The following SMIM14 variants were observed in gnomAD, a reference collection of about 807,000 sequenced individuals.
SMIM14 encodes chromosome 4 open reading frame 34.
Under a neutral mutation model 12.6 loss-of-function variants are expected in SMIM14, and 5 were observed. That is an observed-to-expected ratio of 0.40 (90% CI 0.21 to 0.83). The LOEUF (loss-of-function observed/expected upper bound fraction) is 0.83, where lower values mean the gene tolerates loss of function less well. SMIM14 is among the 40% of genes least tolerant of loss of function. The probability of loss-of-function intolerance (pLI) is 0.37; values close to 1 mark genes in which losing one functional copy is unlikely to be tolerated. For missense variants in SMIM14, 86 were observed against 119.1 expected, an observed-to-expected ratio of 0.72 and a Z score of 1.29; for synonymous variants, 30 against 40.1, an observed-to-expected ratio of 0.75 and a Z score of 0.95.
At chr4:39,570,608 A>G (rs1334157386) in intron 3 of SMIM14, among the ~76,000 whole-genome samples, 1 of 152,154 alleles carries the variant, frequency 6.6e-6, no homozygotes, top group Non-Finnish European at 1.5e-5. Flanking sequence ...GGTTCTAGTA[A>G]AAGGAAATCA....
chr4:39,623,430 A>G (rs1165720965), intron 1 of SMIM14, among the ~76,000 whole-genome samples: 2 of 152,248 alleles, frequency 1.3e-5, no homozygotes, highest in African/African-American at 4.8e-5. Context: ...AGGCAGGGAT[A>G]ACATTGGCTA....
intron 2 of SMIM14, among the ~76,000 whole-genome samples, chr4:39,572,716 G>C (rs1712965975): frequency 6.6e-6 from 1 of 152,018 alleles, no homozygotes. Flanking sequence ...CAGCTATTAG[G>C]GAGGCTGAGG....
chr4:39,637,570 G>A (rs1408895719), intron 1 of SMIM14, among the ~76,000 whole-genome samples: 2 of 151,812 alleles, frequency 1.3e-5, no homozygotes, highest in Non-Finnish European at 2.9e-5. Context: ...GTTCTCGGGG[G>A]TGAAGCGGTG....
rs1312981234 is a variant in SMIM14, at chr4:39,577,522, G to A, written c.76-5059C>T. Among the ~76,000 whole-genome samples the A allele has an allele frequency of 3.3e-5, 5 of 151,318 alleles. No individual in the cohort carries two copies. The East Asian group carries it at 7.8e-4, about 24-fold the overall frequency. ...GGCTCACTGCAACCTCCACCTCCTGGATTCAAGTGATTCTCCTGCCTCAGC... is the reference window on the plus strand; with the variant it reads ...GGCTCACTGCAACCTCCACCTCCTGAATTCAAGTGATTCTCCTGCCTCAGC... On this transcript the variant is annotated intron_variant, in intron 2 of 4. Transcript: ENST00000295958.
chr4:39,560,489 TA>T (rs1297558451), intron 3 of SMIM14, among the ~76,000 whole-genome samples: 5 of 151,928 alleles, frequency 3.3e-5, no homozygotes, highest in African/African-American at 1.2e-4. Context: ...CAATAGTTCT[TA>T]AACTATGGTA....
At chr4:39,604,013 A>C (rs1432111670) in intron 2 of SMIM14, among the ~76,000 whole-genome samples, 1 of 137,066 alleles carries the variant, frequency 7.3e-6, no homozygotes, top group Non-Finnish European at 1.7e-5. Flanking sequence ...ACTGTCTCAA[A>C]AAAAAAAAAA....
chr4:39,636,034 G>A (rs1437744538), intron 1 of SMIM14, among the ~76,000 whole-genome samples: 2 of 151,982 alleles, frequency 1.3e-5, no homozygotes, highest in Non-Finnish European at 2.9e-5. Context: ...TTAGTCGGGC[G>A]TGATGGTGTG....
intron 2 of SMIM14, among the ~76,000 whole-genome samples, chr4:39,604,575 G>A (rs573588580): frequency 2.7e-4 from 41 of 151,684 alleles, no homozygotes; most frequent in Non-Finnish European, 4.1e-4. Context: ...TAATAAAGAC[G>A]GTAGTCTGTT....
At chr4:39,610,954 C>G (rs1715009513) in intron 1 of SMIM14, among the ~76,000 whole-genome samples, 1 of 151,964 alleles carries the variant, frequency 6.6e-6, no homozygotes, top group Non-Finnish European at 1.5e-5. Flanking sequence ...ATAATTTTAA[C>G]AACCAAAACC....
intron 3 of SMIM14, 31 bp from the exon 4 acceptor site, chr4:39,556,601 A>C: frequency 1.9e-6 from 3 of 1,551,338 alleles, no homozygotes; most frequent in Non-Finnish European, 2.6e-6. Context: ...TAGCATGCTC[A>C]CAATATTGTT....
At chr4:39,565,465 A>T (rs1348291496) in intron 3 of SMIM14, among the ~76,000 whole-genome samples, 4 of 152,126 alleles carry the variant, frequency 2.6e-5, no homozygotes, top group African/African-American at 9.7e-5. Context: ...GCTGGGGCAT[A>T]GGCACAGGCC....
chr4:39,631,331 C>CAA (rs34691180), intron 1 of SMIM14, among the ~76,000 whole-genome samples: 1 of 133,350 alleles, frequency 7.5e-6, no homozygotes, highest in Non-Finnish European at 1.6e-5. Context: ...GACTCCATCT[C>CAA]AAAAAAAAAA....
intron 1 of SMIM14, among the ~76,000 whole-genome samples, chr4:39,621,450 A>C (rs1326027074): frequency 6.6e-6 from 1 of 152,180 alleles, no homozygotes; most frequent in Non-Finnish European, 1.5e-5. Context: ...TGAAATTACA[A>C]ACTATGATAA....
intron 3 of SMIM14, among the ~76,000 whole-genome samples, chr4:39,565,412 A>G (rs1431611365): frequency 6.6e-6 from 1 of 151,512 alleles, no homozygotes; most frequent in Non-Finnish European, 1.5e-5. Context: ...TGCAGCCTCA[A>G]CCTCCCAGGC....
intron 1 of SMIM14, among the ~76,000 whole-genome samples, chr4:39,605,970 T>A (rs1714788458): frequency 6.6e-6 from 1 of 152,136 alleles, no homozygotes; most frequent in South Asian, 2.1e-4. Flanking sequence ...ACTCCTGACC[T>A]CAGGTGATCT....
At chr4:39,563,634 C>T (rs1338958296) in intron 3 of SMIM14, among the ~76,000 whole-genome samples, 1 of 152,218 alleles carries the variant, frequency 6.6e-6, no homozygotes, top group Non-Finnish European at 1.5e-5. Context: ...CATGTTCTTA[C>T]AACTAACTCC....
intron 2 of SMIM14, among the ~76,000 whole-genome samples, chr4:39,603,239 T>G (rs1038246004): frequency 6.6e-6 from 1 of 152,184 alleles, no homozygotes; most frequent in African/African-American, 2.4e-5. Context: ...AATGGTCAAA[T>G]TTTTCCTTTT....
intron 1 of SMIM14, among the ~76,000 whole-genome samples, chr4:39,616,898 A>G (rs1578360374): frequency 6.6e-6 from 1 of 152,148 alleles, no homozygotes; most frequent in Non-Finnish European, 1.5e-5. Context: ...GAATTCCAGT[A>G]TGCTCAGTGT....
intron 1 of SMIM14, among the ~76,000 whole-genome samples, chr4:39,613,722 T>C (rs1715114659): frequency 6.6e-6 from 1 of 152,202 alleles, no homozygotes; most frequent in Non-Finnish European, 1.5e-5. Context: ...ATCTTGTATG[T>C]TTCATTGACT....
Sources: gnomAD v4.1 joint callset for allele counts (sites outside exome capture counted in the v4.1 genomes callset) on GRCh38, gnomAD v4.1.1 for gene constraint, MANE v1.5 for transcripts, NCBI Gene and HGNC (gene_info 2026-07-23, HGNC 2026-07-21) for gene names.